Variants in PHF8 observed in about 807,000 individuals in gnomAD.
The protein encoded by PHF8 is histone lysine demethylase PHF8.
PHF8 carries 9 observed loss-of-function variants against 74.4 expected under a neutral mutation model. The observed-to-expected ratio is 0.12, with a 90% CI of 0.07 to 0.21. PHF8 has a LOEUF of 0.21. Ranked by LOEUF, PHF8 falls within the 10% of genes least tolerant of loss-of-function variation. The pLI is 1.00. For synonymous variants in PHF8, 311 were observed against 316.6 expected, an observed-to-expected ratio of 0.98 and a Z score of 0.19; for missense variants, 478 against 816.6, an observed-to-expected ratio of 0.59 and a Z score of 5.05.
chrX:53,983,985 T>C (rs1480712353), intron 18 of PHF8, among the ~76,000 whole-genome samples: 1 of 112,673 alleles, frequency 8.9e-6, no homozygotes, highest in Non-Finnish European at 1.9e-5. Flanking sequence ...GGAAACAGTG[T>C]TAGTCAAAAA....
chrX:53,979,806 T>C (rs782075635), intron 18 of PHF8, among the ~76,000 whole-genome samples: 1 of 111,546 alleles, frequency 9.0e-6, no homozygotes, highest in East Asian at 2.8e-4. Context: ...CTGGACAACA[T>C]GGCAAAACCC....
chrX:54,005,093 C>T (rs1417159213), intron 8 of PHF8, among the ~76,000 whole-genome samples: 1 of 110,886 alleles, frequency 9.0e-6, no homozygotes, highest in South Asian at 3.7e-4. Context: ...CAAGGACTTG[C>T]GGGACTAAGA....
chrX:53,974,158 C>T (rs782451069), intron 18 of PHF8, among the ~76,000 whole-genome samples: 204 of 110,385 alleles, frequency 1.8e-3, no homozygotes, highest in African/African-American at 6.2e-3. Flanking sequence ...CCCAGCTACT[C>T]GGGAGGCTGA....
At position 54,044,073 on chromosome X, in the gene PHF8, C is replaced by T; in HGVS notation, c.-404G>A. 1 of 755,420 alleles carries T rather than the reference C, an allele frequency of 1.3e-6. No homozygotes were observed. The highest frequency in any genetic ancestry group is 1.6e-6 in the Non-Finnish European group (1 of 639,613). The allele number at this position is 755,420 out of a possible 1,213,427, so 62.3% of individuals were successfully genotyped here. ...CCCCCGCTGGGTCGCGCGGCGCCAG[C>T]CGCTCAACGGTGCTTCAGAGCAGCC... On this transcript the variant is annotated 5_prime_UTR_variant, in exon 1 of 22. Transcript: ENST00000338154.
At chrX:53,989,787 C>A (rs1269731918) in intron 14 of PHF8, among the ~76,000 whole-genome samples, 2 of 112,093 alleles carry the variant, frequency 1.8e-5, no homozygotes, top group African/African-American at 6.5e-5. Context: ...CTATTTTCTA[C>A]TTCAGAGGGT....
In PHF8 at chrX:54,042,672, G is replaced by A. The variant is rs782745551; in HGVS notation, c.57C>T (p.Phe19=). Residue 19 remains phenylalanine (F), a synonymous_variant, in exon 2 of 22, where the codon TTC becomes TTT. Transcript: ENST00000338154. ...CCTGGCACATGTCACACTCGATCAT[G>A]AAGCGGGTCACATCGTAAGGCAGCC... ...LCRLPYDVTR[F]MIECDMCQDW... 8.3e-7 allele frequency: 1 copy of A among 1,211,419 alleles called. No homozygotes were observed. Among genetic ancestry groups the A allele is most frequent in the East Asian group, 3.0e-5 (1 of 33,818 alleles).
intron 2 of PHF8, among the ~76,000 whole-genome samples, chrX:54,038,675 A>G (rs910491654): frequency 8.9e-6 from 1 of 112,326 alleles, no homozygotes; most frequent in Non-Finnish European, 1.9e-5. Context: ...TCTGGAATCA[A>G]ATAATTCAAA....
intron 7 of PHF8, among the ~76,000 whole-genome samples, chrX:54,012,939 C>CA (rs782357345): frequency 0.012 from 447 of 38,444 alleles, 1 homozygote; most frequent in Middle Eastern, 0.03. Context: ...GAGACTGTCT[C>CA]AAAAAAAAAA....
chrX:54,046,589 A>T (rs1401115305), upstream of PHF8, among the ~76,000 whole-genome samples: 2 of 109,348 alleles, frequency 1.8e-5, no homozygotes, highest in African/African-American at 6.6e-5. Context: ...TCTCAAAAAA[A>T]AAAAAAATGA....
At chrX:54,016,135 G>T (rs1391484177) in intron 6 of PHF8, among the ~76,000 whole-genome samples, 4 of 111,753 alleles carry the variant, frequency 3.6e-5, no homozygotes, top group African/African-American at 1.3e-4. Context: ...TACAACGTGA[G>T]CAGCTACCCT....
chrX:54,011,296 A>G lies in PHF8; in HGVS notation c.784-12T>C, dbSNP rs782143915. The G allele has an allele frequency of 1.0e-5, 12 of 1,200,445 alleles. No individual in the cohort carries two copies. The highest frequency in any genetic ancestry group is 5.3e-5 in the African/African-American group (3 of 57,124). Reference sequence around the variant, plus strand: ...AAGATCTTTTCACCCTGAAACAAAAAGAGGTTGAAGTGACAAAAATACCAA... The same window carrying G: ...AAGATCTTTTCACCCTGAAACAAAAGGAGGTTGAAGTGACAAAAATACCAA... On this transcript the variant is annotated splice_polypyrimidine_tract_variant and intron_variant, in intron 7 of 21. Transcript: ENST00000338154.
At chrX:53,966,089 T>C (rs1557092477) in intron 18 of PHF8, among the ~76,000 whole-genome samples, 2 of 112,058 alleles carry the variant, frequency 1.8e-5, no homozygotes, top group Non-Finnish European at 3.8e-5. Flanking sequence ...GAAAGATAAC[T>C]GGAATACCTC....
intron 19 of PHF8, among the ~76,000 whole-genome samples, chrX:53,944,929 T>G (rs1007182870): frequency 3.7e-5 from 4 of 108,711 alleles, no homozygotes; most frequent in Admixed American, 9.8e-5. Flanking sequence ...GGCTGAGGCA[T>G]GAGAATTGCT....
At chrX:53,962,474 A>C (rs1823363004) in intron 19 of PHF8, among the ~76,000 whole-genome samples, 1 of 111,329 alleles carries the variant, frequency 9.0e-6, no homozygotes, top group African/African-American at 3.3e-5. Flanking sequence ...CAGTCAGCAG[A>C]ATTTCCCTCC....
intron 20 of PHF8, among the ~76,000 whole-genome samples, chrX:53,943,724 C>A (rs1310982058): frequency 9.0e-6 from 1 of 111,593 alleles, no homozygotes; most frequent in African/African-American, 3.3e-5. Context: ...ATAAAGAGGA[C>A]AAGAAAAATT....
chrX:54,009,609 C>T (rs1340860329), intron 8 of PHF8, among the ~76,000 whole-genome samples: 1 of 108,347 alleles, frequency 9.2e-6, no homozygotes, highest in Non-Finnish European at 1.9e-5. Flanking sequence ...CTTTGGGAGG[C>T]CAAGGCAGGC....
At chrX:54,046,312 C>T (rs1412200965), upstream of PHF8, among the ~76,000 whole-genome samples, 2 of 110,704 alleles carry the variant, frequency 1.8e-5, no homozygotes, top group African/African-American at 6.6e-5. Flanking sequence ...TAGCCGGGCG[C>T]GGTGGCTCAT....
Position 53,937,969 on chromosome X carries a change from T to C in PHF8, c.*1189A>G. The C allele has an allele frequency of 9.6e-6, 11 of 1,150,856 alleles. No homozygotes were observed. The South Asian group carries it at 1.5e-4, about 16-fold the overall frequency. The allele number at this position is 1,150,856 out of a possible 1,213,427, so 94.8% of individuals were successfully genotyped here. Reference sequence around the variant, plus strand: ...CAGGGGAAGGGGAGGATCGGATGGATGGTCTGCTCCTTCACGGATGGGCGT... The same window carrying C: ...CAGGGGAAGGGGAGGATCGGATGGACGGTCTGCTCCTTCACGGATGGGCGT... On this transcript the variant is annotated 3_prime_UTR_variant, in exon 22 of 22. Coordinates refer to ENST00000338154, the MANE Select transcript of PHF8 (RefSeq NM_015107.3).
intron 20 of PHF8, chrX:53,943,122 C>G (rs1695171493): frequency 1.2e-6 from 1 of 846,834 alleles, no homozygotes; most frequent in Non-Finnish European, 1.5e-6. Flanking sequence ...ATTTTCACAG[C>G]TTTACTTAAT....
Sources: allele counts gnomAD v4.1 joint callset (sites outside exome capture counted in the v4.1 genomes callset), GRCh38; gene constraint gnomAD v4.1.1; transcripts MANE v1.5; gene names NCBI Gene and HGNC (gene_info 2026-07-23, HGNC 2026-07-21).